Variants in MN1 observed in about 807,000 individuals in gnomAD.
The protein encoded by MN1 is transcriptional activator MN1.
A neutral mutation model predicts 86.9 loss-of-function variants in MN1; 19 were observed. The ratio of observed to expected loss-of-function variants is 0.22; its 90% CI spans 0.15 to 0.32. MN1 has a LOEUF of 0.32. Among genes scored for constraint, MN1 ranks in the 10% least tolerant of loss-of-function variants. MN1 has a pLI of 1.00. For missense variants in MN1, 1,841 were observed against 1,862.0 expected, an observed-to-expected ratio of 0.99 and a Z score of 0.21; for synonymous variants, 928 against 849.6, an observed-to-expected ratio of 1.09 and a Z score of -1.60.
intron 1 of MN1, among the ~76,000 whole-genome samples, chr22:27,792,317 C>T (rs1482910055): frequency 4.4e-5 from 5 of 114,034 alleles, no homozygotes; most frequent in Non-Finnish European, 5.7e-5. Flanking sequence ...ATAAAAATTG[C>T]ATATATATAT....
At chr22:27,756,836 AC>A (rs1361427481) in intron 1 of MN1, among the ~76,000 whole-genome samples, 59 of 152,204 alleles carry the variant, frequency 3.9e-4, no homozygotes, top group African/African-American at 1.3e-3. Flanking sequence ...GCTCACTGCA[AC>A]CTCAACCTCC....
rs560130650 is a variant in MN1, at chr22:27,797,658, G to A, written c.2886C>T (p.Tyr962=). The A allele has an allele frequency of 8.7e-6, 14 of 1,604,246 alleles. No individual in the cohort carries two copies. The South Asian group carries it at 1.6e-4, about 18-fold the overall frequency. The part of the protein sequence containing the change: ...HVSPGTFFDK[Y]SAAPDSGGAP... ...CGCCCCCGCTGTCCGGAGCCGCCGA[G>A]TACTTGTCAAAGAAGGTGCCAGGGC... The change falls in exon 1 of 2, where the codon TAC becomes TAT. Residue 962 remains tyrosine (Y), a synonymous_variant. Transcript: ENST00000302326.
chr22:27,790,507 G>A, intron 1 of MN1, among the ~76,000 whole-genome samples: 1 of 152,196 alleles, frequency 6.6e-6, no homozygotes, highest in East Asian at 1.9e-4. Flanking sequence ...CTCTGAGCTG[G>A]GGACTGTGGC....
intron 1 of MN1, among the ~76,000 whole-genome samples, chr22:27,752,878 C>T (rs1037376554): frequency 3.9e-5 from 6 of 152,200 alleles, no homozygotes; most frequent in African/African-American, 1.4e-4. Context: ...GGCCTGCCCT[C>T]AATCCTCTGT....
Position 27,799,100 on chromosome 22 carries a change from G to C in MN1, c.1444C>G (p.Leu482Val). 6.2e-7 allele frequency: 1 copy of C among 1,605,296 alleles called. No homozygotes were observed. Reference protein sequence around the residue: ...SWNGSMHNGALDNHLSPSAYP... With the variant: ...SWNGSMHNGAVDNHLSPSAYP... ...GCGGAAGGGGAGAGGTGATTATCCA[G>C]AGCGCCGTTGTGCATGCTGCCGTTC... is the stretch of plus-strand genomic sequence containing the variant. Residue 482 changes from leucine to valine, a missense_variant, in exon 1 of 2, where the codon CTG (leucine) becomes GTG (valine). Physicochemically the swap from Leu to Val is conservative, Grantham distance 32. Transcript: ENST00000302326.
chr22:27,786,522 G>A (rs424345), intron 1 of MN1, among the ~76,000 whole-genome samples: 3,293 of 151,456 alleles, frequency 0.022, 49 homozygotes, highest in South Asian at 0.059. Flanking sequence ...AGAGGTTGAA[G>A]ATTCCCAACT....
chr22:27,784,532 GTTTAAA>G (rs1933095887), intron 1 of MN1, among the ~76,000 whole-genome samples: 1 of 133,906 alleles, frequency 7.5e-6, no homozygotes, highest in Non-Finnish European at 1.8e-5. Context: ...TTACTCTAAA[GTTTAAA>G]ATGAAACATG....
Position 27,797,454 on chromosome 22 carries a change from G to A in MN1, c.3090C>T (p.Gly1030=), listed in dbSNP as rs61733430. ...DQPDLIGSLD[G]GAKSDSSSPN... Reference sequence around the variant, plus strand: ...GCGAACTACTGTCCGACTTGGCCCCGCCGTCCAGGGACCCAATGAGGTCCG... The same window carrying A: ...GCGAACTACTGTCCGACTTGGCCCCACCGTCCAGGGACCCAATGAGGTCCG... Residue 1030 remains glycine, a synonymous_variant, in exon 1 of 2, where the codon GGC becomes GGT. Transcript: ENST00000302326. 3.7e-6 allele frequency: 6 copies of A among 1,603,446 alleles called. No homozygotes were observed. The highest frequency in any genetic ancestry group is 4.3e-6 in the Non-Finnish European group (5 of 1,175,164).
chr22:27,777,744 C>T (rs1003163024), intron 1 of MN1, among the ~76,000 whole-genome samples: 9 of 151,548 alleles, frequency 5.9e-5, no homozygotes, highest in East Asian at 1.9e-4. Flanking sequence ...GGCGTGGTGG[C>T]GCATGCCTGT....
intron 1 of MN1, among the ~76,000 whole-genome samples, chr22:27,768,811 A>T (rs1932890295): frequency 6.6e-6 from 1 of 152,180 alleles, no homozygotes; most frequent in Admixed American, 6.5e-5. Flanking sequence ...GTCTCTAAAA[A>T]TAATTAATTA....
At chr22:27,769,573 GACA>G (rs1568974128) in intron 1 of MN1, among the ~76,000 whole-genome samples, 1 of 3,756 alleles carries the variant, frequency 2.7e-4, no homozygotes, top group African/African-American at 5.0e-4. Flanking sequence ...TTTTTTTTGA[GACA>G]GAGTCTCGCT....
rs114989570 is a variant in MN1 at position 27,763,240 on chromosome 22, C to T, written c.3782-12144G>A. On this transcript the variant is annotated intron_variant, in intron 1 of 1. Coordinates refer to ENST00000302326, the MANE Select transcript of MN1 (RefSeq NM_002430.3). ...AAAACACATTTTCAAAGTGCTGATA[C>T]TTTGGGTGGAGGTCCTATGGAGCAC... Among the ~76,000 whole-genome samples, 421 of 152,328 alleles carry T rather than the reference C, an allele frequency of 2.8e-3. 4 individuals carry two copies. The highest frequency in any genetic ancestry group is 9.8e-3 in the African/African-American group (409 of 41,572).
In MN1 at chr22:27,799,082, G is replaced by C; in HGVS notation, c.1462C>G (p.Pro488Ala). 6.2e-7 allele frequency: 1 copy of C among 1,608,196 alleles called. No individual in the cohort carries two copies. The highest frequency in any genetic ancestry group is 8.5e-7 in the Non-Finnish European group (1 of 1,176,150). ...CCGGGTAGGCCTGGGTAGGCGGAAG[G>C]GGAGAGGTGATTATCCAGAGCGCCG... is the stretch of plus-strand genomic sequence containing the variant. ...HNGALDNHLS[P>A]SAYPGLPGEF... Residue 488 changes from proline (P) to alanine (A), a missense_variant, in exon 1 of 2, where the codon CCT (proline) becomes GCT (alanine). Coordinates refer to ENST00000302326, the MANE Select transcript of MN1 (RefSeq NM_002430.3).
chr22:27,759,165 G>T (rs766406259), intron 1 of MN1, among the ~76,000 whole-genome samples: 3 of 152,128 alleles, frequency 2.0e-5, no homozygotes, highest in Non-Finnish European at 2.9e-5. Flanking sequence ...CTGTCTCCAA[G>T]AACCTACCAC....
Position 27,797,646 on chromosome 22 carries a change from C to T in MN1, c.2898G>A (p.Pro966=). Residue 966 remains proline (P), a synonymous_variant, in exon 1 of 2, where the codon CCG becomes CCA. Transcript: ENST00000302326. ...GTFFDKYSAA[P]DSGGAPGVSP... is the part of the protein sequence containing the mutation. ...TCACCCCAGGTGCGCCCCCGCTGTC[C>T]GGAGCCGCCGAGTACTTGTCAAAGA... is the stretch of plus-strand genomic sequence containing the variant. The T allele has an allele frequency of 6.3e-7, 1 of 1,598,232 alleles. No homozygotes were observed.
chr22:27,799,195 T>C lies in MN1; in HGVS notation c.1349A>G (p.Tyr450Cys). ...GCGCGGCCTCTTGGCCACGTTCATG[T>C]AGGGGGGCGCGTCGAAATGCTGCAG... Reference protein sequence around the residue: ...QRLQHFDAPPYMNVAKRPRFD... With the variant: ...QRLQHFDAPPCMNVAKRPRFD... Residue 450 changes from tyrosine to cysteine, a missense_variant, in exon 1 of 2, where the codon TAC becomes TGC. Coordinates refer to ENST00000302326, the MANE Select transcript of MN1 (RefSeq NM_002430.3). 6.2e-7 allele frequency: 1 copy of C among 1,605,478 alleles called. No homozygotes were observed. Among genetic ancestry groups the C allele is most frequent in the South Asian group, 1.1e-5 (1 of 90,688 alleles).
intron 1 of MN1, among the ~76,000 whole-genome samples, chr22:27,779,863 C>T (rs1933027684): frequency 6.6e-6 from 1 of 152,128 alleles, no homozygotes; most frequent in Non-Finnish European, 1.5e-5. Context: ...GAGAACAATG[C>T]CTGGGGGAAG....
rs1933359254 is a variant in MN1 at position 27,798,669 on chromosome 22, C to T, written c.1875G>A (p.Leu625=). 6.5e-7 allele frequency: 1 copy of T among 1,546,666 alleles called. No individual in the cohort carries two copies. The highest frequency in any genetic ancestry group is 8.7e-7 in the Non-Finnish European group (1 of 1,154,676). The part of the protein sequence containing the change: ...LGTFEQQAPH[L]AQESAWFSGP... ...CTGAGAACCACGCGCTCTCTTGCGC[C>T]AAGTGCGGCGCCTGCTGCTCGAAGG... The change falls in exon 1 of 2, where the codon TTG becomes TTA. Residue 625 remains leucine (L), a synonymous_variant. Coordinates refer to ENST00000302326, the MANE Select transcript of MN1 (RefSeq NM_002430.3).
In MN1 at chr22:27,750,872, G is replaced by A. The variant is rs751011817; in HGVS notation, c.*43C>T. On this transcript the variant is annotated 3_prime_UTR_variant, in exon 2 of 2. Transcript: ENST00000302326. ...GTTGAGGGGGAAGGAAACAGACAGG[G>A]GGAGAGGAAGGGCCTGGTAGAGGAG... The A allele has an allele frequency of 1.3e-6, 2 of 1,505,360 alleles. No homozygotes were observed. Among genetic ancestry groups the A allele is most frequent in the South Asian group, 1.3e-5 (1 of 78,368 alleles). 93.3% of individuals were successfully genotyped at this position (1,505,360 alleles called of 1,614,324 possible). A position where few individuals can be genotyped will look rare whatever the true frequency, so the allele number is the denominator to read the frequency against.
Sources: allele counts gnomAD v4.1 joint callset (sites outside exome capture counted in the v4.1 genomes callset), GRCh38; gene constraint gnomAD v4.1.1; transcripts MANE v1.5; gene names NCBI Gene and HGNC (gene_info 2026-07-23, HGNC 2026-07-21).